CDYL: variants seen among roughly 807,000 people sequenced by gnomAD.
CDYL encodes the protein chromodomain Y-like protein.
CDYL carries 8 observed loss-of-function variants against 47.3 expected under a neutral mutation model. The ratio of observed to expected loss-of-function variants is 0.17; its 90% CI spans 0.10 to 0.31. The LOEUF (loss-of-function observed/expected upper bound fraction) is 0.31, where lower values mean the gene tolerates loss of function less well. Among genes scored for constraint, CDYL ranks in the 10% least tolerant of loss-of-function variants. The pLI is 1.00. For missense variants in CDYL, 471 were observed against 701.4 expected, an observed-to-expected ratio of 0.67 and a Z score of 3.71; for synonymous variants, 266 against 265.0, an observed-to-expected ratio of 1.00 and a Z score of -0.04.
intron 1 of CDYL, 37 bp downstream of exon 1, chr6:4,776,844 C>T: frequency 1.3e-6 from 1 of 790,562 alleles, no homozygotes; most frequent in Non-Finnish European, 1.5e-6. Flanking sequence ...CCGCCCCCCG[C>T]CCGCCGCCCC....
At chr6:4,813,070 T>C (rs1759572595) in intron 1 of CDYL, among the ~76,000 whole-genome samples, 2 of 152,232 alleles carry the variant, frequency 1.3e-5, no homozygotes. Context: ...GTTCCTTTGC[T>C]GGACACTGTT....
intron 1 of CDYL, among the ~76,000 whole-genome samples, chr6:4,888,828 A>G (rs1426887095): frequency 6.6e-6 from 1 of 152,048 alleles, no homozygotes; most frequent in Admixed American, 6.5e-5. Context: ...ACTTCTCTTG[A>G]GACATTTTGG....
intron 3 of CDYL, among the ~76,000 whole-genome samples, chr6:4,768,111 C>T (rs1340552086): frequency 6.6e-6 from 1 of 152,208 alleles, no homozygotes; most frequent in Non-Finnish European, 1.5e-5. Flanking sequence ...TCAAAGGTGT[C>T]ATGCAACTTC....
chr6:4,948,811 A>G (rs1268723865), intron 5 of CDYL, among the ~76,000 whole-genome samples: 2 of 152,260 alleles, frequency 1.3e-5, no homozygotes, highest in Non-Finnish European at 2.9e-5. Flanking sequence ...TTCTGAGCAG[A>G]GTATCTGACG....
chr6:4,834,900 C>G (rs1292369183), intron 1 of CDYL, among the ~76,000 whole-genome samples: 2 of 152,086 alleles, frequency 1.3e-5, no homozygotes, highest in African/African-American at 2.4e-5. Context: ...TCACGTAGTT[C>G]TCGAGCCTTG....
chr6:4,823,645 A>G (rs1451445916), intron 1 of CDYL, among the ~76,000 whole-genome samples: 2 of 152,152 alleles, frequency 1.3e-5, no homozygotes, highest in African/African-American at 2.4e-5. Context: ...CATTTTAAGT[A>G]TACAATTCCA....
intron 1 of CDYL, among the ~76,000 whole-genome samples, chr6:4,833,572 G>A (rs1169796959): frequency 3.4e-5 from 5 of 149,162 alleles, no homozygotes; most frequent in Non-Finnish European, 3.0e-5. Context: ...GGAGAGTTCT[G>A]TAGATGTCTA....
At chr6:4,904,982 T>C (rs1757184839) in intron 2 of CDYL, among the ~76,000 whole-genome samples, 1 of 151,684 alleles carries the variant, frequency 6.6e-6, no homozygotes, top group African/African-American at 2.4e-5. Context: ...TGATCGGCCG[T>C]CCCTATGTGA....
At chr6:4,774,993 G>A (rs903365682), upstream of CDYL, among the ~76,000 whole-genome samples, 7 of 152,328 alleles carry the variant, frequency 4.6e-5, no homozygotes, top group Admixed American at 4.6e-4. Context: ...CTGGGCGTGG[G>A]GAGGACAGGA....
intron 1 of CDYL, among the ~76,000 whole-genome samples, chr6:4,846,337 A>C (rs1760656595): frequency 6.6e-6 from 1 of 152,226 alleles, no homozygotes; most frequent in Non-Finnish European, 1.5e-5. Context: ...AGAAACGGAA[A>C]TGTAGTACTT....
rs1762234809 is a variant in CDYL, at chr6:4,895,413, G to GCA, written c.691+3034_691+3035insCA. Among the ~76,000 whole-genome samples, 2 of 6,226 alleles carry GCA rather than the reference G, an allele frequency of 3.2e-4. 1 individual carries two copies. The highest frequency in any genetic ancestry group is 3.4e-4 in the African/African-American group (2 of 5,904). 4.1% of individuals were successfully genotyped at this position (6,226 alleles called of 152,430 possible). On this transcript the variant is annotated intron_variant, in intron 2 of 6. Transcript: ENST00000397588. Reference sequence around the variant, plus strand: ...CATATATGCATGTATACATGTATACGTATATATGCATGTATACATGTATAC... The same window carrying GCA: ...CATATATGCATGTATACATGTATACGCATATATATGCATGTATACATGTATAC...
At chr6:4,779,169 G>T (rs948620089) in intron 1 of CDYL, among the ~76,000 whole-genome samples, 1 of 152,184 alleles carries the variant, frequency 6.6e-6, no homozygotes, top group Non-Finnish European at 1.5e-5. Context: ...ATACGCAATT[G>T]TAAATGAACG....
chr6:4,779,139 T>C (rs992736000), intron 1 of CDYL, among the ~76,000 whole-genome samples: 2 of 152,208 alleles, frequency 1.3e-5, no homozygotes, highest in Admixed American at 1.3e-4. Context: ...AAAGGCAGTA[T>C]TATCTGTAGG....
At chr6:4,869,496 T>C (rs1417713674) in intron 1 of CDYL, among the ~76,000 whole-genome samples, 1 of 152,234 alleles carries the variant, frequency 6.6e-6, no homozygotes, top group Non-Finnish European at 1.5e-5. Context: ...TTGCTGTTTT[T>C]CTGTTTATCT....
intron 2 of CDYL, among the ~76,000 whole-genome samples, chr6:4,901,144 C>T (rs1394080269): frequency 6.6e-6 from 1 of 151,632 alleles, no homozygotes; most frequent in Non-Finnish European, 1.5e-5. Flanking sequence ...ATATGAAGTA[C>T]AATTTAAAAG....
rs140561913 is a variant in CDYL, at chr6:4,715,171, G to A, written c.-38-570G>A. On this transcript the variant is annotated intron_variant, in intron 1 of 8. Transcript: ENST00000328908. ...GCTCTCACCCTCCCTACCTGAGAAT[G>A]ACTCACTTCCTTGTCTCCATTAAAG... Among the ~76,000 whole-genome samples the A allele has an allele frequency of 1.6e-4, 25 of 152,292 alleles. No individual in the cohort carries two copies. In the East Asian group the frequency reaches 4.4e-3, roughly 27 times the overall value.
intron 3 of CDYL, among the ~76,000 whole-genome samples, chr6:4,741,364 A>C (rs185723883): frequency 6.6e-6 from 1 of 152,214 alleles, no homozygotes; most frequent in African/African-American, 2.4e-5. Context: ...TCAGCTTCAT[A>C]GCATAAAACT....
chr6:4,758,968 C>CTTTTTTTT (rs753662724), intron 3 of CDYL, among the ~76,000 whole-genome samples: 1 of 131,920 alleles, frequency 7.6e-6, no homozygotes. Flanking sequence ...TTTTCTTTTT[C>CTTTTTTTT]TTTTTTTTTT....
chr6:4,725,605 C>CT (rs2127412196), intron 2 of CDYL, among the ~76,000 whole-genome samples: 1 of 152,346 alleles, frequency 6.6e-6, no homozygotes, highest in Non-Finnish European at 1.5e-5. Flanking sequence ...GCGGGCGGAC[C>CT]TGCCCGCCGA....
Sources: allele counts gnomAD v4.1 joint callset (sites outside exome capture counted in the v4.1 genomes callset), GRCh38; gene constraint gnomAD v4.1.1; transcripts MANE v1.5; gene names NCBI Gene and HGNC (gene_info 2026-07-23, HGNC 2026-07-21).